Variants in PIK3R3 observed in about 807,000 individuals in gnomAD.
PIK3R3 encodes phosphatidylinositol 3-kinase regulatory subunit gamma.
In PIK3R3, 64 loss-of-function variants were observed where a neutral mutation model predicts 62.9. The ratio of observed to expected loss-of-function variants is 1.02; its 90% CI spans 0.83 to 1.25. The LOEUF (loss-of-function observed/expected upper bound fraction) is 1.25. PIK3R3 is among the 50% of genes most tolerant of loss of function. The probability of loss-of-function intolerance (pLI) is 0.00; values close to 1 mark genes in which losing one functional copy is unlikely to be tolerated. For missense variants in PIK3R3, 614 were observed against 561.6 expected, an observed-to-expected ratio of 1.09 and a Z score of -0.94; for synonymous variants, 165 against 189.0, an observed-to-expected ratio of 0.87 and a Z score of 1.04.
At chr1:46,144,399 G>C in the PIK3R3 span, among the ~76,000 whole-genome samples, 2 of 152,122 alleles carry the variant, frequency 1.3e-5, no homozygotes, top group South Asian at 4.1e-4. Context: ...CCCAGGATGA[G>C]AATATAAATG....
At chr1:46,108,985 G>A (rs1003801596) in intron 1 of PIK3R3, among the ~76,000 whole-genome samples, 4 of 152,022 alleles carry the variant, frequency 2.6e-5, no homozygotes, top group East Asian at 3.9e-4. Flanking sequence ...CGGTGAAACC[G>A]TGTCTCTACT....
intron 5 of PIK3R3, 22 bp downstream of exon 5, chr1:46,066,032 A>T (rs754107812): frequency 1.2e-6 from 2 of 1,601,230 alleles, no homozygotes; most frequent in Admixed American, 3.3e-5. Flanking sequence ...CATATTAGTC[A>T]AAAACAACAT....
At chr1:46,079,582 T>C (rs565174083) in intron 2 of PIK3R3, among the ~76,000 whole-genome samples, 86 of 152,328 alleles carry the variant, frequency 5.6e-4, no homozygotes, top group African/African-American at 1.9e-3. Flanking sequence ...CACATGTAAC[T>C]ATCCTAAATG....
At chr1:46,145,182 A>G in the PIK3R3 span, among the ~76,000 whole-genome samples, 1 of 151,660 alleles carries the variant, frequency 6.6e-6, no homozygotes, top group Non-Finnish European at 1.5e-5. Context: ...AGATCCTTAG[A>G]GTTCTGACAA....
At chr1:46,045,494 T>G (rs1571339810) in intron 9 of PIK3R3, among the ~76,000 whole-genome samples, 1 of 152,130 alleles carries the variant, frequency 6.6e-6, no homozygotes, top group South Asian at 2.1e-4. Flanking sequence ...GAATAATATG[T>G]AATTTAAAAT....
chr1:46,133,909 C>A (rs944469044), upstream of PIK3R3, among the ~76,000 whole-genome samples: 5 of 152,176 alleles, frequency 3.3e-5, no homozygotes. Context: ...TTCTGTTTCC[C>A]TGACAGACCC....
intron 1 of PIK3R3, among the ~76,000 whole-genome samples, chr1:46,117,096 A>G (rs1654251908): frequency 6.6e-6 from 1 of 152,204 alleles, no homozygotes. Flanking sequence ...GCCCACCAAA[A>G]AAATTAAGAA....
In PIK3R3 at chr1:46,041,488, C is replaced by A. The variant is rs772500911; in HGVS notation, c.*2185G>T. On this transcript the variant is annotated 3_prime_UTR_variant, in exon 10 of 10. Transcript: ENST00000262741. ...CTGCACACCGCTGGTGTCTGCCCAACAAGGAGCAGACACATTACTGAATAC... is the reference window on the plus strand; with the variant it reads ...CTGCACACCGCTGGTGTCTGCCCAAAAAGGAGCAGACACATTACTGAATAC... 5.7e-6 allele frequency: 1 copy of A among 175,454 alleles called. No individual in the cohort carries two copies. 10.9% of individuals were successfully genotyped at this position (175,454 alleles called of 1,614,324 possible).
chr1:46,128,191 TTGGGAGTCCGAGG>T (rs1419308312), intron 1 of PIK3R3, among the ~76,000 whole-genome samples: 11 of 152,098 alleles, frequency 7.2e-5, no homozygotes, highest in African/African-American at 2.7e-4. Context: ...TCCCAACACA[TTGGGAGTCCGAGG>T]TGGGCAGATC....
chr1:46,085,438 G>A (rs1378842592), intron 1 of PIK3R3, among the ~76,000 whole-genome samples: 1 of 152,178 alleles, frequency 6.6e-6, no homozygotes, highest in Non-Finnish European at 1.5e-5. Context: ...ACACTCAAAT[G>A]TAGCTCTATC....
At chr1:46,159,738 T>C in the PIK3R3 span, among the ~76,000 whole-genome samples, 7 of 148,008 alleles carry the variant, frequency 4.7e-5, no homozygotes, top group Admixed American at 6.8e-5. Flanking sequence ...ATGAGTACCA[T>C]ACACACACAC....
chr1:46,110,559 C>T (rs1400645803), intron 1 of PIK3R3, among the ~76,000 whole-genome samples: 1 of 152,030 alleles, frequency 6.6e-6, no homozygotes, highest in African/African-American at 2.4e-5. Context: ...TCTTCTCAAC[C>T]TTCTAATCTA....
chr1:46,170,201 AATGTCCTGGGCTG>A, the PIK3R3 span, among the ~76,000 whole-genome samples: 4 of 152,192 alleles, frequency 2.6e-5, no homozygotes, highest in Admixed American at 2.0e-4. Flanking sequence ...TTTGGAAGGA[AATGTCCTGGGCTG>A]ATGGTAACTG....
the PIK3R3 span, among the ~76,000 whole-genome samples, chr1:46,143,088 A>T: frequency 6.6e-6 from 1 of 152,242 alleles, no homozygotes; most frequent in African/African-American, 2.4e-5. Context: ...CTCCACCCTA[A>T]AGAATGGGCC....
chr1:46,052,119 C>A (rs1647412699), intron 7 of PIK3R3, among the ~76,000 whole-genome samples: 1 of 151,556 alleles, frequency 6.6e-6, no homozygotes, highest in Admixed American at 6.6e-5. Flanking sequence ...GCCTGAGTGA[C>A]AGAGTGAGAC....
chr1:46,091,818 G>T (rs12120708), intron 1 of PIK3R3, among the ~76,000 whole-genome samples: 14,565 of 152,154 alleles, frequency 0.096, 876 homozygotes, highest in Middle Eastern at 0.15. Context: ...TTTGCATATA[G>T]CTTATGCACA....
At position 46,061,997 on chromosome 1, in the gene PIK3R3, T is replaced by C; in HGVS notation, c.696A>G (p.Thr232=). 6.2e-7 allele frequency: 1 copy of C among 1,611,654 alleles called. No individual in the cohort carries two copies. The highest frequency in any genetic ancestry group is 8.5e-7 in the Non-Finnish European group (1 of 1,177,786). ...TATATTCTTTGCTATGTTGTTCTTG[T>C]GTGTGACACTGCTCTTCAAATATTT... The part of the protein sequence containing the change: ...TIKIFEEQCH[T]QEQHSKEYIE... Residue 232 remains threonine, a synonymous_variant, in exon 6 of 10, where the codon ACA becomes ACG. Transcript: ENST00000262741.
chr1:46,104,925 C>CAAA (rs757829828), intron 1 of PIK3R3: 2,032 of 194,178 alleles, frequency 0.01, 2 homozygotes, highest in South Asian at 0.015. Context: ...AAGACTCCAT[C>CAAA]AAAAAAAAAA....
At chr1:46,080,129 T>C (rs1650443361) in intron 2 of PIK3R3, among the ~76,000 whole-genome samples, 1 of 149,244 alleles carries the variant, frequency 6.7e-6, no homozygotes. Context: ...TGGCACTATC[T>C]CGGCTCACTG....
Sources: allele counts gnomAD v4.1 joint callset (sites outside exome capture counted in the v4.1 genomes callset), GRCh38; gene constraint gnomAD v4.1.1; transcripts MANE v1.5; gene names NCBI Gene and HGNC (gene_info 2026-07-23, HGNC 2026-07-21).